The following NELL1 variants were observed in gnomAD, a reference collection of about 807,000 sequenced individuals.
The protein encoded by NELL1 is protein kinase C-binding protein NELL1.
A neutral mutation model predicts 107.4 loss-of-function variants in NELL1; 76 were observed. The observed-to-expected ratio is 0.71, with a 90% CI of 0.59 to 0.86. The LOEUF (loss-of-function observed/expected upper bound fraction) is 0.86. Among genes scored for constraint, NELL1 ranks in the 40% least tolerant of loss-of-function variants. The pLI, the probability that NELL1 is intolerant of heterozygous loss-of-function variation, is 0.00. For synonymous variants in NELL1, 353 were observed against 341.2 expected, an observed-to-expected ratio of 1.03 and a Z score of -0.38; for missense variants, 1,024 against 1,005.5, an observed-to-expected ratio of 1.02 and a Z score of -0.25.
chr11:20,734,349 G>C (rs1855713533), intron 2 of NELL1, among the ~76,000 whole-genome samples: 1 of 152,152 alleles, frequency 6.6e-6, no homozygotes, highest in Non-Finnish European at 1.5e-5. Flanking sequence ...TCTATGATTA[G>C]TATTTTTGAA....
intron 12 of NELL1, among the ~76,000 whole-genome samples, chr11:21,023,594 A>G (rs1168898500): frequency 6.6e-6 from 1 of 152,096 alleles, no homozygotes; most frequent in African/African-American, 2.4e-5. Flanking sequence ...AGTGTATGAA[A>G]CTGCAAATTT....
chr11:20,868,918 T>C (rs1312472780), intron 4 of NELL1, among the ~76,000 whole-genome samples: 1 of 152,198 alleles, frequency 6.6e-6, no homozygotes, highest in East Asian at 1.9e-4. Flanking sequence ...AGTAGCATTT[T>C]CAAGAAAACT....
At chr11:20,866,375 T>C (rs774288932) in intron 4 of NELL1, among the ~76,000 whole-genome samples, 12 of 152,320 alleles carry the variant, frequency 7.9e-5, no homozygotes, top group Non-Finnish European at 8.8e-5. Flanking sequence ...GGAAAACAGA[T>C]GAGAGCTCCT....
intron 3 of NELL1, among the ~76,000 whole-genome samples, chr11:20,817,692 T>C (rs1333464614): frequency 6.6e-6 from 1 of 151,852 alleles, no homozygotes; most frequent in East Asian, 1.9e-4. Context: ...TGGGGTTAGT[T>C]TGTTGTCGCT....
intron 4 of NELL1, among the ~76,000 whole-genome samples, chr11:20,873,359 A>G (rs1456083269): frequency 6.6e-6 from 1 of 152,206 alleles, no homozygotes; most frequent in African/African-American, 2.4e-5. Flanking sequence ...AACACTAGAT[A>G]CTATGTTCTA....
chr11:21,350,819 A>C (rs527751238), intron 14 of NELL1, among the ~76,000 whole-genome samples: 6 of 152,272 alleles, frequency 3.9e-5, no homozygotes, highest in South Asian at 2.1e-4. Flanking sequence ...ATATGAGTAC[A>C]ACAAAGATTC....
chr11:21,560,141 T>A (rs756526693), intron 16 of NELL1, 48 bp from the exon 17 acceptor site: 1 of 1,565,018 alleles, frequency 6.4e-7, no homozygotes, highest in Non-Finnish European at 8.8e-7. Flanking sequence ...GTTTGTTCTC[T>A]AAGTTCCCTT....
At chr11:20,689,851 G>T (rs1854413591) in intron 2 of NELL1, among the ~76,000 whole-genome samples, 1 of 150,562 alleles carries the variant, frequency 6.6e-6, no homozygotes, top group South Asian at 2.1e-4. Context: ...GATCCCTGAG[G>T]AATCGCCACA....
intron 2 of NELL1, among the ~76,000 whole-genome samples, chr11:20,702,808 C>T (rs1020700260): frequency 9.2e-5 from 14 of 152,020 alleles, no homozygotes; most frequent in East Asian, 3.9e-4. Flanking sequence ...TGATGGATTA[C>T]GTTTATTGAT....
At chr11:20,989,333 A>T (rs564975945) in intron 12 of NELL1, among the ~76,000 whole-genome samples, 3 of 152,114 alleles carry the variant, frequency 2.0e-5, no homozygotes, top group Non-Finnish European at 4.4e-5. Flanking sequence ...CATGTTCCCA[A>T]TTCTGGGCTG....
intron 13 of NELL1, among the ~76,000 whole-genome samples, chr11:21,122,236 T>C (rs1855384702): frequency 6.6e-6 from 1 of 152,184 alleles, no homozygotes; most frequent in African/African-American, 2.4e-5. Context: ...GCCTTGTTAA[T>C]ATTTCTGTAC....
At chr11:20,760,825 A>C (rs1003175338) in intron 2 of NELL1, among the ~76,000 whole-genome samples, 5 of 152,150 alleles carry the variant, frequency 3.3e-5, no homozygotes, top group Non-Finnish European at 7.4e-5. Context: ...GCCTAATCCC[A>C]TTTGACTGTG....
intron 15 of NELL1, among the ~76,000 whole-genome samples, chr11:21,394,252 T>C (rs1009612204): frequency 2.0e-5 from 3 of 151,606 alleles, no homozygotes; most frequent in African/African-American, 7.2e-5. Context: ...TAAGTGCTAA[T>C]AAGCACAGGA....
chr11:20,893,459 A>C lies in NELL1; in HGVS notation c.603+7919A>C, dbSNP rs557234538. ...AATGTTAGTAAAGGTGATCTGATTT[A>C]AAGTGTTCTAAGGCCTGATTTCAAG... is the stretch of plus-strand genomic sequence containing the variant. On this transcript the variant is annotated intron_variant, in intron 5 of 19. Coordinates refer to ENST00000357134, the MANE Select transcript of NELL1 (RefSeq NM_006157.5). 2.6e-5 allele frequency among the ~76,000 whole-genome samples: 4 copies of C among 151,976 alleles called. No individual in the cohort carries two copies. The East Asian group carries it at 7.7e-4, about 29-fold the overall frequency.
At position 21,575,021 on chromosome 11, in the gene NELL1, G is replaced by GAAGT; in HGVS notation, c.*1_*4dup. The stretch of plus-strand genomic sequence containing the variant: ...GATTTTGAGTGTCTTCAAAATAATT[G>GAAGT]AAGTATTTACAGTGGACTCAACGCA... On this transcript the variant is annotated frameshift_variant and stop_retained_variant, in exon 20 of 20. Transcript: ENST00000357134. LOFTEE classifies it high-confidence loss of function. The GAAGT allele has an allele frequency of 6.2e-7, 1 of 1,608,994 alleles. No homozygotes were observed. The highest frequency in any genetic ancestry group is 1.1e-5 in the South Asian group (1 of 90,936).
chr11:21,313,220 ATC>A (rs1849788963), intron 14 of NELL1, among the ~76,000 whole-genome samples: 2 of 152,142 alleles, frequency 1.3e-5, no homozygotes, highest in South Asian at 4.1e-4. Flanking sequence ...AGTGAGTGTG[ATC>A]TGTTGAATCT....
chr11:20,819,224 C>T (rs1285743921), intron 3 of NELL1, among the ~76,000 whole-genome samples: 2 of 152,096 alleles, frequency 1.3e-5, no homozygotes, highest in Non-Finnish European at 2.9e-5. Flanking sequence ...AGCATTGATT[C>T]GAGGCCATGA....
chr11:20,909,546 T>C (rs1850079185), intron 5 of NELL1, among the ~76,000 whole-genome samples: 1 of 152,164 alleles, frequency 6.6e-6, no homozygotes, highest in South Asian at 2.1e-4. Context: ...ATCCTGAACA[T>C]ACCTCTTTAT....
intron 12 of NELL1, among the ~76,000 whole-genome samples, chr11:20,983,140 G>C (rs955328474): frequency 1.3e-5 from 2 of 152,138 alleles, no homozygotes; most frequent in Admixed American, 6.5e-5. Context: ...AGTATTCGCT[G>C]TTTATAGTTC....
Sources: gnomAD v4.1 joint callset for allele counts (sites outside exome capture counted in the v4.1 genomes callset) on GRCh38, gnomAD v4.1.1 for gene constraint, MANE v1.5 for transcripts, NCBI Gene and HGNC (gene_info 2026-07-23, HGNC 2026-07-21) for gene names.